The following TENM2 variants were observed in gnomAD, a reference collection of about 807,000 sequenced individuals.
TENM2 encodes the protein teneurin-2.
TENM2 carries 52 observed loss-of-function variants against 245.2 expected under a neutral mutation model. That is an observed-to-expected ratio of 0.21 (90% confidence interval 0.17 to 0.27). The LOEUF is 0.27. Among genes scored for constraint, TENM2 ranks in the 10% least tolerant of loss-of-function variants. The pLI, the probability that TENM2 is intolerant of heterozygous loss-of-function variation, is 1.00. For missense variants in TENM2, 3,046 were observed against 3,666.8 expected, an observed-to-expected ratio of 0.83 and a Z score of 4.37; for synonymous variants, 1,363 against 1,438.9, an observed-to-expected ratio of 0.95 and a Z score of 1.19.
intron 2 of TENM2, among the ~76,000 whole-genome samples, chr5:167,536,790 G>T (rs1050853504): frequency 5.9e-5 from 9 of 152,178 alleles, no homozygotes; most frequent in African/African-American, 2.2e-4. Flanking sequence ...ACCGAGGCAG[G>T]CAGGATCACC....
At chr5:167,999,468 G>A (rs988090521) in intron 5 of TENM2, among the ~76,000 whole-genome samples, 1 of 152,170 alleles carries the variant, frequency 6.6e-6, no homozygotes, top group Admixed American at 6.5e-5. Context: ...TTGGCAGGGG[G>A]ACTGCCATTT....
chr5:167,493,288 A>C (rs1308828473), intron 2 of TENM2, among the ~76,000 whole-genome samples: 1 of 152,048 alleles, frequency 6.6e-6, no homozygotes, highest in Non-Finnish European at 1.5e-5. Context: ...TAAAAAGAAA[A>C]GAAAAAAAAG....
At chr5:167,239,857 C>T in the TENM2 span, among the ~76,000 whole-genome samples, 93 of 152,324 alleles carry the variant, frequency 6.1e-4, 1 homozygote, top group Non-Finnish European at 1.0e-3. Flanking sequence ...ACCGCAACCT[C>T]TGCCTCCCAG....
chr5:168,193,207 A>G (rs370440806), intron 14 of TENM2, among the ~76,000 whole-genome samples: 20 of 152,362 alleles, frequency 1.3e-4, no homozygotes, highest in South Asian at 1.0e-3. Flanking sequence ...CAGAAATATG[A>G]AATGTAACTC....
At chr5:167,533,666 C>T (rs1316407138) in intron 2 of TENM2, among the ~76,000 whole-genome samples, 1 of 151,992 alleles carries the variant, frequency 6.6e-6, no homozygotes, top group East Asian at 1.9e-4. Context: ...AGTTATGTTG[C>T]CCAGGCTGAT....
At chr5:167,103,659 A>T in the TENM2 span, among the ~76,000 whole-genome samples, 1 of 152,062 alleles carries the variant, frequency 6.6e-6, no homozygotes, top group Non-Finnish European at 1.5e-5. Context: ...CTTTTATATT[A>T]CTTCTGCATA....
intron 2 of TENM2, among the ~76,000 whole-genome samples, chr5:167,846,966 G>GATTT (rs1770101841): frequency 6.6e-6 from 1 of 152,072 alleles, no homozygotes; most frequent in Non-Finnish European, 1.5e-5. Flanking sequence ...TTGATTGATT[G>GATTT]ATTGATTGGA....
At chr5:167,911,153 A>G (rs1583342890) in intron 3 of TENM2, among the ~76,000 whole-genome samples, 1 of 152,302 alleles carries the variant, frequency 6.6e-6, no homozygotes, top group South Asian at 2.1e-4. Context: ...GAATGTAACT[A>G]TCTATGGTTT....
At chr5:167,227,130 G>A in the TENM2 span, among the ~76,000 whole-genome samples, 2 of 150,210 alleles carry the variant, frequency 1.3e-5, no homozygotes, top group South Asian at 2.1e-4. Context: ...TATTCATTCA[G>A]CGAGTCTATA....
intron 2 of TENM2, among the ~76,000 whole-genome samples, chr5:167,779,282 C>T (rs1375430300): frequency 1.3e-5 from 2 of 152,120 alleles, no homozygotes; most frequent in African/African-American, 4.8e-5. Context: ...CAACAGGGAC[C>T]CATCACAGGC....
the TENM2 span, among the ~76,000 whole-genome samples, chr5:167,170,111 A>C: frequency 5.3e-5 from 8 of 152,214 alleles, no homozygotes; most frequent in African/African-American, 9.6e-5. Context: ...GAGTGTTTAC[A>C]TGGAATCTTA....
intron 3 of TENM2, among the ~76,000 whole-genome samples, chr5:167,889,308 T>C (rs1183231153): frequency 6.6e-6 from 1 of 152,078 alleles, no homozygotes; most frequent in Non-Finnish European, 1.5e-5. Context: ...TGATGTCCAC[T>C]GTGGACGGAG....
intron 4 of TENM2, among the ~76,000 whole-genome samples, chr5:167,975,783 A>G (rs890779811): frequency 1.3e-5 from 2 of 152,012 alleles, no homozygotes; most frequent in African/African-American, 4.8e-5. Flanking sequence ...TGTAAATTCA[A>G]ATGGGAAAAT....
intron 2 of TENM2, among the ~76,000 whole-genome samples, chr5:167,608,804 TAGAG>T (rs887050043): frequency 6.6e-6 from 1 of 152,316 alleles, no homozygotes; most frequent in East Asian, 1.9e-4. Context: ...TGTGCTTTGA[TAGAG>T]AGAGGTACTG....
At chr5:167,952,621 G>C in exon 4 of TENM2, 1 of 1,612,072 alleles carries the variant, frequency 6.2e-7, no homozygotes, top group Non-Finnish European at 8.5e-7. Flanking sequence ...TCGACTCTGA[G>C]GCCCCCTCTC....
At chr5:167,040,965 A>G in the TENM2 span, among the ~76,000 whole-genome samples, 1 of 152,182 alleles carries the variant, frequency 6.6e-6, no homozygotes, top group East Asian at 1.9e-4. Flanking sequence ...ATTATTTATC[A>G]ATATGGTGGT....
At chr5:167,134,143 A>C in the TENM2 span, among the ~76,000 whole-genome samples, 6 of 152,226 alleles carry the variant, frequency 3.9e-5, no homozygotes, top group Non-Finnish European at 8.8e-5. Flanking sequence ...TTTCAAAAGA[A>C]ACAGCAGCAA....
chr5:167,310,263 A>T (rs748451063), intron 1 of TENM2, among the ~76,000 whole-genome samples: 1 of 152,200 alleles, frequency 6.6e-6, no homozygotes, highest in African/African-American at 2.4e-5. Context: ...GAATATAAGC[A>T]GTTTTATTTG....
At chr5:166,997,441 A>G in the TENM2 span, among the ~76,000 whole-genome samples, 1 of 152,208 alleles carries the variant, frequency 6.6e-6, no homozygotes, top group Non-Finnish European at 1.5e-5. Context: ...GCAAAGACAG[A>G]GAATCCAGCC....
Sources: gnomAD v4.1 joint callset for allele counts (sites outside exome capture counted in the v4.1 genomes callset) on GRCh38, gnomAD v4.1.1 for gene constraint, MANE v1.5 for transcripts, NCBI Gene and HGNC (gene_info 2026-07-23, HGNC 2026-07-21) for gene names.